Variants in MELK observed in about 807,000 individuals in gnomAD.
MELK encodes maternal embryonic leucine zipper kinase, also known as pEg3 kinase.
In MELK, 81 loss-of-function variants were observed where a neutral mutation model predicts 85.0. The observed-to-expected ratio is 0.95, with a 90% CI of 0.80 to 1.15. The LOEUF (loss-of-function observed/expected upper bound fraction) is 1.15. MELK is among the 50% of genes most tolerant of loss of function. The pLI is 0.00. For missense variants in MELK, 754 were observed against 777.5 expected, an observed-to-expected ratio of 0.97 and a Z score of 0.36; for synonymous variants, 252 against 265.0, an observed-to-expected ratio of 0.95 and a Z score of 0.48.
intron 2 of MELK, among the ~76,000 whole-genome samples, 166 bp downstream of exon 2, chr9:36,581,905 G>A (rs1164273918): frequency 6.6e-6 from 1 of 151,968 alleles, no homozygotes; most frequent in Non-Finnish European, 1.5e-5. Context: ...AGTAGGAGAA[G>A]CCCTGTAGGT....
At position 36,607,584 on chromosome 9, in the gene MELK, T is replaced by G. The variant is rs772076783; in HGVS notation, c.577T>G (p.Trp193Gly). Residue 193 changes from tryptophan (W) to glycine (G), a missense_variant, in exon 8 of 18, where the codon TGG becomes GGG. Trp to Gly is a radical substitution (Grantham distance 184). Transcript: ENST00000298048. Reference protein sequence around the residue: ...KSYLGSEADVWSMGILLYVLM... With the variant: ...KSYLGSEADVGSMGILLYVLM... ...TCCCTCTTTCTCTCAGGCAGATGTT[T>G]GGAGCATGGGCATACTGTTATATGT... 6.2e-7 allele frequency: 1 copy of G among 1,610,130 alleles called. No homozygotes were observed. Among genetic ancestry groups the G allele is most frequent in the Non-Finnish European group, 8.5e-7 (1 of 1,177,278 alleles).
At position 36,596,078 on chromosome 9, in the gene MELK, A is replaced by G. The variant is rs544552112; in HGVS notation, c.406-1144A>G. Among the ~76,000 whole-genome samples, 377 of 152,254 alleles carry G rather than the reference A, an allele frequency of 2.5e-3. 1 individual carries two copies. Among genetic ancestry groups the G allele is most frequent in the African/African-American group, 7.3e-3 (302 of 41,538 alleles). ...TGATGCGCCTGCCTTGGCCTTCCAA[A>G]GTGCTGGGATTACAGGCGTGAGCCA... On this transcript the variant is annotated intron_variant, in intron 5 of 17. Coordinates refer to ENST00000298048, the MANE Select transcript of MELK (RefSeq NM_014791.4).
At position 36,674,818 on chromosome 9, in the gene MELK, C is replaced by T. The variant is rs1309534547; in HGVS notation, c.1675-16C>T. 3 of 1,488,396 alleles carry T rather than the reference C, an allele frequency of 2.0e-6. No individual in the cohort carries two copies. The African/African-American group carries it at 4.1e-5, about 20-fold the overall frequency. 92.2% of individuals were successfully genotyped at this position (1,488,396 alleles called of 1,614,324 possible). A position where few individuals can be genotyped will look rare whatever the true frequency, so the allele number is the denominator to read the frequency against. The stretch of plus-strand genomic sequence containing the variant: ...TGTAAAAATTTACTTCTCATCTCTT[C>T]TTTTTCTTTTCTTAGCTTCACTATA... On this transcript the variant is annotated splice_polypyrimidine_tract_variant and intron_variant, in intron 16 of 17. Coordinates refer to ENST00000298048, the MANE Select transcript of MELK (RefSeq NM_014791.4).
At position 36,677,325 on chromosome 9, in the gene MELK, C is replaced by T. The variant is rs1410604010; in HGVS notation, c.1944C>T (p.Ser648=). Residue 648 remains serine, a synonymous_variant, in exon 18 of 18, where the codon AGC becomes AGT. Coordinates refer to ENST00000298048, the MANE Select transcript of MELK (RefSeq NM_014791.4). ...YKRLVEDILS[S]CKV ...GATTAGTGGAAGACATCCTATCTAG[C>T]TGCAAGGTATAATTGATGGATTCTT... is the stretch of plus-strand genomic sequence containing the variant. The T allele has an allele frequency of 1.2e-6, 2 of 1,612,432 alleles. No homozygotes were observed. The highest frequency in any genetic ancestry group is 1.7e-5 in the Admixed American group (1 of 59,844).
chr9:36,627,483 A>C (rs1828052030), intron 8 of MELK, among the ~76,000 whole-genome samples: 1 of 151,566 alleles, frequency 6.6e-6, no homozygotes, highest in South Asian at 2.1e-4. Flanking sequence ...CTTTATCGAA[A>C]GCACTCAGTA....
At chr9:36,615,683 C>T (rs865839896) in intron 8 of MELK, among the ~76,000 whole-genome samples, 149 of 143,206 alleles carry the variant, frequency 1.0e-3, no homozygotes, top group Non-Finnish European at 2.0e-3. Flanking sequence ...GACGGGGTCT[C>T]GGCCGGGCAG....
chr9:36,614,253 G>A (rs1239871987), intron 8 of MELK, among the ~76,000 whole-genome samples: 2 of 151,826 alleles, frequency 1.3e-5, no homozygotes, highest in African/African-American at 4.8e-5. Flanking sequence ...TTGCCACCAT[G>A]CGTGGCTAAG....
intron 8 of MELK, among the ~76,000 whole-genome samples, chr9:36,622,966 CAA>C (rs2136265128): frequency 6.6e-6 from 1 of 152,296 alleles, no homozygotes; most frequent in Admixed American, 6.5e-5. Flanking sequence ...TAAACAAACA[CAA>C]ATTCTTTAAA....
intron 1 of MELK, among the ~76,000 whole-genome samples, chr9:36,577,251 GC>G (rs1821751541): frequency 6.6e-6 from 1 of 152,050 alleles, no homozygotes; most frequent in African/African-American, 2.4e-5. Context: ...GATGGCTCAC[GC>G]CTGTAATCCC....
intron 7 of MELK, among the ~76,000 whole-genome samples, chr9:36,599,999 T>C (rs1404982001): frequency 6.6e-6 from 1 of 152,178 alleles, no homozygotes; most frequent in East Asian, 1.9e-4. Flanking sequence ...GATGTGAGTG[T>C]CATAAGATTA....
intron 8 of MELK, among the ~76,000 whole-genome samples, chr9:36,611,841 C>A (rs988782440): frequency 6.6e-6 from 1 of 151,240 alleles, no homozygotes; most frequent in African/African-American, 2.4e-5. Flanking sequence ...TGGTTAGATT[C>A]GGCTCACTGC....
At chr9:36,595,261 G>C (rs965139595) in intron 5 of MELK, among the ~76,000 whole-genome samples, 1 of 151,378 alleles carries the variant, frequency 6.6e-6, no homozygotes, top group African/African-American at 2.4e-5. Context: ...TCAGCCTCCC[G>C]AGTGGCTGGG....
intron 10 of MELK, among the ~76,000 whole-genome samples, chr9:36,642,511 C>T (rs1299681569): frequency 1.3e-5 from 2 of 150,450 alleles, no homozygotes; most frequent in Non-Finnish European, 2.9e-5. Context: ...TCACTGCAGC[C>T]TCCGCCTCCT....
chr9:36,615,423 A>T (rs1347061303), intron 8 of MELK, among the ~76,000 whole-genome samples: 1 of 85,810 alleles, frequency 1.2e-5, no homozygotes, highest in Non-Finnish European at 2.3e-5. Flanking sequence ...CCCGGACGGC[A>T]CGGCTGGCCA....
rs1587570445 is a variant in MELK at position 36,651,617 on chromosome 9, A to G, written c.922-129A>G. On this transcript the variant is annotated intron_variant, in intron 11 of 17. Transcript: ENST00000298048. ...GGTGCACTGGTTGCTGTTTTTCATC[A>G]TATGCTGTGTAAACCTATTGGCTTT... 3 of 1,067,180 alleles carry G rather than the reference A, an allele frequency of 2.8e-6. No individual in the cohort carries two copies. In the South Asian group the frequency reaches 5.2e-5, roughly 18 times the overall value. The allele number at this position is 1,067,180 out of a possible 1,614,324, so 66.1% of individuals were successfully genotyped here. A position where few individuals can be genotyped will look rare whatever the true frequency, so the allele number is the denominator to read the frequency against.
At chr9:36,649,537 G>T (rs528377786) in intron 11 of MELK, among the ~76,000 whole-genome samples, 8 of 151,936 alleles carry the variant, frequency 5.3e-5, no homozygotes, top group Non-Finnish European at 1.2e-4. Flanking sequence ...AGGCTGAGGC[G>T]GCAGGTGGAT....
intron 10 of MELK, among the ~76,000 whole-genome samples, chr9:36,636,818 T>TTCTTTCTG (rs1829254979): frequency 7.5e-6 from 1 of 132,878 alleles, no homozygotes; most frequent in Non-Finnish European, 1.6e-5. Flanking sequence ...CTTTCTTTCT[T>TTCTTTCTG]TCTGTCTTTC....
chr9:36,658,145 G>A (rs1241916664), intron 13 of MELK, among the ~76,000 whole-genome samples: 2 of 151,560 alleles, frequency 1.3e-5, no homozygotes, highest in African/African-American at 4.8e-5. Context: ...GTGACTTTAA[G>A]TTTGTTGAGC....
In MELK at chr9:36,607,594, G is replaced by T. The variant is rs769110780; in HGVS notation, c.587G>T (p.Gly196Val). 6.2e-7 allele frequency: 1 copy of T among 1,611,980 alleles called. No individual in the cohort carries two copies. The highest frequency in any genetic ancestry group is 8.5e-7 in the Non-Finnish European group (1 of 1,178,260). ...LGSEADVWSM[G>V]ILLYVLMCGF... ...TCTCAGGCAGATGTTTGGAGCATGGGCATACTGTTATATGTTCTTATGTGT... is the reference window on the plus strand; with the variant it reads ...TCTCAGGCAGATGTTTGGAGCATGGTCATACTGTTATATGTTCTTATGTGT... The change falls in exon 8 of 18, where the codon GGC becomes GTC. Residue 196 changes from glycine to valine, a missense_variant. Coordinates refer to ENST00000298048, the MANE Select transcript of MELK (RefSeq NM_014791.4).
Sources: gnomAD v4.1 joint callset for allele counts (sites outside exome capture counted in the v4.1 genomes callset) on GRCh38, gnomAD v4.1.1 for gene constraint, MANE v1.5 for transcripts, NCBI Gene and HGNC (gene_info 2026-07-23, HGNC 2026-07-21) for gene names.